The following NAV1 variants were observed in gnomAD, a reference collection of about 807,000 sequenced individuals.
NAV1 encodes the protein pore membrane and/or filament interacting like protein 3.
NAV1 carries 18 observed loss-of-function variants against 175.2 expected under a neutral mutation model. That is an observed-to-expected ratio of 0.10 (90% CI 0.07 to 0.15). NAV1 has a LOEUF of 0.15. NAV1 is among the 10% of genes least tolerant of loss of function. NAV1 has a pLI of 1.00. For missense variants in NAV1, 1,731 were observed against 2,436.6 expected, an observed-to-expected ratio of 0.71 and a Z score of 6.10; for synonymous variants, 897 against 978.7, an observed-to-expected ratio of 0.92 and a Z score of 1.56.
intron 2 of NAV1, among the ~76,000 whole-genome samples, chr1:201,595,924 G>A (rs189509541): frequency 7.9e-5 from 12 of 152,304 alleles, no homozygotes; most frequent in African/African-American, 2.4e-4. Context: ...ACTTCGCTTC[G>A]GGACTGCGTC....
chr1:201,578,865 G>T (rs563066124), intron 1 of NAV1, among the ~76,000 whole-genome samples: 1 of 152,098 alleles, frequency 6.6e-6, no homozygotes, highest in Non-Finnish European at 1.5e-5. Context: ...GGGCATGGTG[G>T]CTCACACTTC....
intron 15 of NAV1, chr1:201,797,428 T>C (rs1364242089): frequency 6.6e-6 from 1 of 152,196 alleles, no homozygotes; most frequent in East Asian, 1.9e-4. Flanking sequence ...TGTAGCTTTG[T>C]AGTAAGTTTG....
intron 2 of NAV1, among the ~76,000 whole-genome samples, chr1:201,638,789 A>G (rs1668673817): frequency 6.6e-6 from 1 of 152,246 alleles, no homozygotes; most frequent in South Asian, 2.1e-4. Context: ...TTATGAAATG[A>G]TGAACATTAC....
intron 1 of NAV1, among the ~76,000 whole-genome samples, chr1:201,627,911 T>G (rs868296034): frequency 1.1e-4 from 16 of 151,904 alleles, no homozygotes; most frequent in African/African-American, 3.1e-4. Flanking sequence ...GAGGCTGAGG[T>G]GGGCAGATCT....
chr1:201,812,056 A>G lies in NAV1; in HGVS notation c.5024+82A>G, dbSNP rs1327898873. The stretch of plus-strand genomic sequence containing the variant: ...GGACTCTGGCCAGGAGGCAGTAGAT[A>G]GGAGAAGGAAAGAGAAGTATCCAGA... On this transcript the variant is annotated intron_variant, in intron 26 of 29. Transcript: ENST00000367296. The surrounding 1 kb of genome is among the most constrained non-coding windows in gnomAD (Gnocchi z 4.6). The G allele has an allele frequency of 7.6e-7, 1 of 1,320,078 alleles. No individual in the cohort carries two copies. Among genetic ancestry groups the G allele is most frequent in the African/African-American group, 1.5e-5 (1 of 68,768 alleles). 81.8% of individuals were successfully genotyped at this position (1,320,078 alleles called of 1,614,324 possible). A position where few individuals can be genotyped will look rare whatever the true frequency, so the allele number is the denominator to read the frequency against.
intron 3 of NAV1, among the ~76,000 whole-genome samples, chr1:201,742,816 C>T (rs560665084): frequency 2.1e-4 from 32 of 152,098 alleles, no homozygotes; most frequent in African/African-American, 5.8e-4. Flanking sequence ...TTTTATGGGA[C>T]TAGGCACACA....
chr1:201,588,999 C>A (rs998874474), intron 2 of NAV1, among the ~76,000 whole-genome samples: 1 of 152,006 alleles, frequency 6.6e-6, no homozygotes. Flanking sequence ...AGGCACACAC[C>A]ACCACGCCCA....
chr1:201,765,540 G>A (rs1012999157), intron 3 of NAV1, among the ~76,000 whole-genome samples: 3 of 151,822 alleles, frequency 2.0e-5, no homozygotes, highest in East Asian at 1.9e-4. Flanking sequence ...GACGACAGGC[G>A]CGTGCCACCA....
rs1347966354 is a variant in NAV1 at position 201,780,412 on chromosome 1, G to C, written c.1227-9G>C. The C allele has an allele frequency of 2.5e-6, 4 of 1,614,048 alleles. No homozygotes were observed. Among genetic ancestry groups the C allele is most frequent in the Middle Eastern group, 1.6e-4 (1 of 6,084 alleles). On this transcript the variant is annotated splice_polypyrimidine_tract_variant and intron_variant, in intron 3 of 29. Transcript: ENST00000367296. Reference sequence around the variant, plus strand: ...TTAACGATTGACCTTCATCTCTCCTGTCCTGTAGCTGGGATGAAAGCAGCT... The same window carrying C: ...TTAACGATTGACCTTCATCTCTCCTCTCCTGTAGCTGGGATGAAAGCAGCT...
Position 201,785,297 on chromosome 1 carries a change from T to C in NAV1, c.2805-13T>C, listed in dbSNP as rs774251140. 1 of 1,598,026 alleles carries C rather than the reference T, an allele frequency of 6.3e-7. No individual in the cohort carries two copies. The highest frequency in any genetic ancestry group is 8.5e-7 in the Non-Finnish European group (1 of 1,175,808). On this transcript the variant is annotated splice_polypyrimidine_tract_variant and intron_variant, in intron 7 of 29. Transcript: ENST00000367296. ...CTCTCTCTCTCTTTTTTTTTTTTTT[T>C]TTATCTCCACAGTAATCAGCGGGAT...
chr1:201,623,008 CG>C (rs1668221175), exon 1 of NAV1: 1 of 986,060 alleles, frequency 1.0e-6, no homozygotes, highest in African/African-American at 1.7e-5. Flanking sequence ...GCTGCGGCCA[CG>C]CCAGGCCGGC....
At chr1:201,608,536 A>G (rs1244908975) in intron 2 of NAV1, among the ~76,000 whole-genome samples, 1 of 152,192 alleles carries the variant, frequency 6.6e-6, no homozygotes, top group Non-Finnish European at 1.5e-5. Context: ...GGCAGAACGG[A>G]GGCAGTTGCT....
In NAV1 at chr1:201,788,199, A is replaced by G. The variant is rs557170193; in HGVS notation, c.2996-269A>G. On this transcript the variant is annotated intron_variant, in intron 9 of 29. Transcript: ENST00000367296. This position sits in a 1 kb window ranked among gnomAD's most constrained non-coding sequence, Gnocchi z 5.7. ...CTAACCTTCAAAAGCAACAACTCTG[A>G]GGCAGGCAGGGTTGAGGGAAGGTCT... Among the ~76,000 whole-genome samples, 179 of 152,270 alleles carry G rather than the reference A, an allele frequency of 1.2e-3. No homozygotes were observed. Among genetic ancestry groups the G allele is most frequent in the Non-Finnish European group, 2.0e-3 (136 of 68,010 alleles).
At chr1:201,717,742 C>A (rs896599902) in intron 2 of NAV1, among the ~76,000 whole-genome samples, 1 of 152,232 alleles carries the variant, frequency 6.6e-6, no homozygotes, top group East Asian at 1.9e-4. Flanking sequence ...ACCAGTCTTA[C>A]TGGGGACCTG....
chr1:201,740,740 G>A lies in NAV1; in HGVS notation c.1226+21985G>A, dbSNP rs1481503059. Among the ~76,000 whole-genome samples, 5 of 152,148 alleles carry A rather than the reference G, an allele frequency of 3.3e-5. No individual in the cohort carries two copies. Among genetic ancestry groups the A allele is most frequent in the African/African-American group, 1.2e-4 (5 of 41,412 alleles). On this transcript the variant is annotated intron_variant, in intron 3 of 29. Transcript: ENST00000367296. This position sits in a 1 kb window ranked among gnomAD's most constrained non-coding sequence, Gnocchi z 4.7. ...CGGGTAATTTGGGGAGACGCACAGTGAGGGACTGGTCGTGTAAGGTGAGGG... is the reference window on the plus strand; with the variant it reads ...CGGGTAATTTGGGGAGACGCACAGTAAGGGACTGGTCGTGTAAGGTGAGGG...
At chr1:201,794,200 G>A (rs561530697) in intron 14 of NAV1, 1 of 634,960 alleles carries the variant, frequency 1.6e-6, no homozygotes, top group African/African-American at 1.8e-5. Flanking sequence ...CACCCAGGCT[G>A]GAGTGCACTG....
At chr1:201,543,332 T>A (rs973418444) in intron 1 of NAV1, among the ~76,000 whole-genome samples, 5 of 152,090 alleles carry the variant, frequency 3.3e-5, no homozygotes, top group African/African-American at 4.8e-5. Context: ...CATTTTTTTT[T>A]AATCACAAAG....
intron 1 of NAV1, among the ~76,000 whole-genome samples, chr1:201,626,532 G>T (rs887656616): frequency 2.0e-5 from 3 of 152,160 alleles, no homozygotes; most frequent in Non-Finnish European, 4.4e-5. Context: ...ACCCAGAGAA[G>T]GTGCAATCCC....
At position 201,718,868 on chromosome 1, in the gene NAV1, A is replaced by G. The variant is rs1267735814; in HGVS notation, c.1226+113A>G. ...ACGGGTTTTGGTTTGCTGTGCTGCT[A>G]TGAAAGTACACAAAAGTGTGCTGTG... On this transcript the variant is annotated intron_variant, in intron 3 of 29. Transcript: ENST00000367296. This position sits in a 1 kb window ranked among gnomAD's most constrained non-coding sequence, Gnocchi z 4.8. 7.5e-6 allele frequency: 10 copies of G among 1,325,088 alleles called. No individual in the cohort carries two copies. The African/African-American group carries it at 1.0e-4, about 14-fold the overall frequency. 82.1% of individuals were successfully genotyped at this position (1,325,088 alleles called of 1,614,324 possible). A position where few individuals can be genotyped will look rare whatever the true frequency, so the allele number is the denominator to read the frequency against.
Sources: gnomAD v4.1 joint callset for allele counts (sites outside exome capture counted in the v4.1 genomes callset) on GRCh38, gnomAD v4.1.1 for gene constraint, Gnocchi (gnomAD v3.1) non-coding constraint, MANE v1.5 for transcripts, NCBI Gene and HGNC (gene_info 2026-07-23, HGNC 2026-07-21) for gene names.